The following DNAH3 variants were observed in gnomAD, a reference collection of about 807,000 sequenced individuals.
The protein encoded by DNAH3 is dynein axonemal heavy chain 3, also known as axonemal beta dynein heavy chain 3.
A neutral mutation model predicts 432.5 loss-of-function variants in DNAH3; 332 were observed. The ratio of observed to expected loss-of-function variants is 0.77; its 90% CI spans 0.70 to 0.84. The LOEUF (loss-of-function observed/expected upper bound fraction) is 0.84. DNAH3 is among the 40% of genes least tolerant of loss of function. The probability of loss-of-function intolerance (pLI) is 0.00; values close to 1 mark genes in which losing one functional copy is unlikely to be tolerated. For synonymous variants in DNAH3, 1,956 were observed against 1,900.2 expected, an observed-to-expected ratio of 1.03 and a Z score of -0.76; for missense variants, 4,861 against 5,114.0, an observed-to-expected ratio of 0.95 and a Z score of 1.51.
chr16:21,159,441 T>C (rs1489654959), exon 1 of DNAH3: 1 of 1,613,370 alleles, frequency 6.2e-7, no homozygotes, highest in Non-Finnish European at 8.5e-7. Flanking sequence ...GTAGCTCCCA[T>C]CCCCCAACCA....
intron 24 of DNAH3, among the ~76,000 whole-genome samples, chr16:21,063,507 A>T (rs895238270): frequency 1.4e-5 from 2 of 147,772 alleles, no homozygotes; most frequent in Admixed American, 6.7e-5. Context: ...TTATTATTTT[A>T]TATTTTATTT....
chr16:21,039,661 G>A (rs2089336911), intron 33 of DNAH3, among the ~76,000 whole-genome samples, 191 bp downstream of exon 33: 1 of 152,158 alleles, frequency 6.6e-6, no homozygotes. Context: ...CTGGGAATCT[G>A]GGCCATTTCC....
intron 54 of DNAH3, among the ~76,000 whole-genome samples, chr16:20,955,406 T>C (rs1367027587): frequency 6.6e-6 from 1 of 151,766 alleles, no homozygotes; most frequent in African/African-American, 2.4e-5. Context: ...GACACACCAC[T>C]TGGCAGTAGT....
rs78083406 is a variant in DNAH3, at chr16:21,026,241, G to A, written c.5540+786C>T. 1.4e-3 allele frequency among the ~76,000 whole-genome samples: 208 copies of A among 152,206 alleles called. 2 individuals carry two copies. The highest frequency in any genetic ancestry group is 3.4e-3 in the Middle Eastern group (1 of 294). Reference sequence around the variant, plus strand: ...CAAACTGTTTCCAAAGTACTTGCTGGGTTTTAGACTCCCACCAGTAGTGTG... The same window carrying A: ...CAAACTGTTTCCAAAGTACTTGCTGAGTTTTAGACTCCCACCAGTAGTGTG... On this transcript the variant is annotated intron_variant, in intron 38 of 61. Transcript: ENST00000261383.
At position 20,997,541 on chromosome 16, in the gene DNAH3, C is replaced by G. The variant is rs1278350739; in HGVS notation, c.6422-79G>C. On this transcript the variant is annotated intron_variant, in intron 43 of 61. Coordinates refer to ENST00000261383, the Ensembl canonical transcript of DNAH3. ...CTTACAGAGGTAACAGATGGCAATT[C>G]CCCTGTAGGGGAATCTGTTCCCAGG... The G allele has an allele frequency of 2.0e-6, 3 of 1,495,026 alleles. No individual in the cohort carries two copies. The Admixed American group carries it at 5.5e-5, about 27-fold the overall frequency. 92.6% of individuals were successfully genotyped at this position (1,495,026 alleles called of 1,614,324 possible).
intron 27 of DNAH3, among the ~76,000 whole-genome samples, chr16:21,055,926 T>A (rs1182331346): frequency 2.6e-5 from 4 of 152,090 alleles, no homozygotes; most frequent in Non-Finnish European, 5.9e-5. Flanking sequence ...TTTGTAGAGA[T>A]GGGGTCTCAC....
chr16:21,020,375 C>CTATATATATATA lies in DNAH3; in HGVS notation c.5777-518_5777-507dup, dbSNP rs752950422. On this transcript the variant is annotated intron_variant, in intron 40 of 61. Transcript: ENST00000261383. ...ATATATATATATATATATAAAATCA[C>CTATATATATATA]TATATATATATATATATATATATTT... 6.1e-4 allele frequency among the ~76,000 whole-genome samples: 20 copies of CTATATATATATA among 32,946 alleles called. 1 individual carries two copies. The highest frequency in any genetic ancestry group is 1.2e-3 in the East Asian group (2 of 1,640). The allele number at this position is 32,946 out of a possible 152,430, so 21.6% of individuals were successfully genotyped here.
intron 9 of DNAH3, among the ~76,000 whole-genome samples, chr16:21,123,552 C>G (rs957758686): frequency 2.0e-5 from 3 of 152,120 alleles, no homozygotes; most frequent in Non-Finnish European, 2.9e-5. Context: ...AGAGAGCTAA[C>G]ATTGCAATTC....
chr16:20,987,456 T>G lies in DNAH3; in HGVS notation c.6883-8A>C. The G allele has an allele frequency of 6.2e-7, 1 of 1,613,908 alleles. No individual in the cohort carries two copies. Among genetic ancestry groups the G allele is most frequent in the Non-Finnish European group, 8.5e-7 (1 of 1,179,926 alleles). ...GATACATTTTTCTACATCCTAAAAA[T>G]CCAGAGTTAATTATTCAAACGAGTG... On this transcript the variant is annotated splice_region_variant and splice_polypyrimidine_tract_variant and intron_variant, in intron 46 of 61. Transcript: ENST00000261383.
intron 25 of DNAH3, among the ~76,000 whole-genome samples, chr16:21,061,758 T>A (rs761418409): frequency 1.2e-4 from 18 of 152,206 alleles, no homozygotes; most frequent in Non-Finnish European, 1.8e-4. Context: ...TTAATTGGTA[T>A]GGGATGCAAC....
intron 20 of DNAH3, among the ~76,000 whole-genome samples, chr16:21,080,521 A>T (rs1240983991): frequency 1.3e-5 from 2 of 152,326 alleles, no homozygotes; most frequent in East Asian, 3.9e-4. Flanking sequence ...CAGCACATCT[A>T]ATTCAGACTA....
intron 46 of DNAH3, 39 bp downstream of exon 46, chr16:20,987,654 A>T: frequency 6.2e-7 from 1 of 1,607,320 alleles, no homozygotes; most frequent in South Asian, 1.1e-5. Context: ...AGCCAAGGAT[A>T]TGCTGAATGA....
intron 53 of DNAH3, among the ~76,000 whole-genome samples, chr16:20,962,647 A>T (rs1596969543): frequency 6.6e-6 from 1 of 151,974 alleles, no homozygotes; most frequent in Non-Finnish European, 1.5e-5. Flanking sequence ...GCTGAATCTC[A>T]CCAAGCTTCT....
chr16:20,967,492 C>CTTTT (rs756357963), intron 52 of DNAH3, among the ~76,000 whole-genome samples: 1 of 52,804 alleles, frequency 1.9e-5, no homozygotes, highest in Non-Finnish European at 3.3e-5. Flanking sequence ...CAGACTTCTG[C>CTTTT]TTTTTTTTTT....
intron 43 of DNAH3, among the ~76,000 whole-genome samples, chr16:20,998,728 C>G (rs111755497): frequency 0.012 from 1,196 of 100,942 alleles, 21 homozygotes; most frequent in African/African-American, 0.045. Context: ...GGGGACAAAG[C>G]AAGACTCCGT....
intron 59 of DNAH3, among the ~76,000 whole-genome samples, chr16:20,940,589 G>T (rs1232483982): frequency 6.9e-6 from 1 of 144,486 alleles, no homozygotes; most frequent in Non-Finnish European, 1.5e-5. Context: ...CACCATGCCT[G>T]CCTTTTTTTT....
At chr16:20,942,344 T>C (rs1024705522) in intron 58 of DNAH3, among the ~76,000 whole-genome samples, 1 of 151,984 alleles carries the variant, frequency 6.6e-6, no homozygotes, top group African/African-American at 2.4e-5. Context: ...CTTAGCCAAG[T>C]AGGGAGGGGA....
intron 41 of DNAH3, among the ~76,000 whole-genome samples, chr16:21,003,948 A>G (rs1217037331): frequency 6.6e-6 from 1 of 152,194 alleles, no homozygotes; most frequent in Non-Finnish European, 1.5e-5. Flanking sequence ...AAAGGATTTT[A>G]TAAGAAGGGG....
At chr16:20,966,503 G>T (rs1377305225) in intron 52 of DNAH3, among the ~76,000 whole-genome samples, 2 of 152,120 alleles carry the variant, frequency 1.3e-5, no homozygotes, top group Admixed American at 1.3e-4. Context: ...CACCTTGCTT[G>T]CTAGAAAGTC....
Sources: allele counts gnomAD v4.1 joint callset (sites outside exome capture counted in the v4.1 genomes callset), GRCh38; gene constraint gnomAD v4.1.1; transcripts MANE v1.5; gene names NCBI Gene and HGNC (gene_info 2026-07-23, HGNC 2026-07-21).